TAFA4: variants seen among roughly 807,000 people sequenced by gnomAD.
The protein encoded by TAFA4 is TAFA chemokine like family member 4, also known as chemokine-like protein TAFA-4.
In TAFA4, 20 loss-of-function variants were observed where a neutral mutation model predicts 21.1. The ratio of observed to expected loss-of-function variants is 0.95; its 90% confidence interval spans 0.67 to 1.38. The LOEUF (loss-of-function observed/expected upper bound fraction) is 1.38, where lower values mean the gene tolerates loss of function less well. TAFA4 is among the 40% of genes most tolerant of loss of function. The pLI, the probability that TAFA4 is intolerant of heterozygous loss-of-function variation, is 0.00. For synonymous variants in TAFA4, 71 were observed against 67.4 expected, an observed-to-expected ratio of 1.05 and a Z score of -0.26; for missense variants, 211 against 180.9, an observed-to-expected ratio of 1.17 and a Z score of -0.95.
chr3:68,861,282 A>G (rs2089341193), intron 3 of TAFA4, among the ~76,000 whole-genome samples: 1 of 152,054 alleles, frequency 6.6e-6, no homozygotes, highest in Non-Finnish European at 1.5e-5. Flanking sequence ...TTGGAATCTT[A>G]GTACATCCTT....
Position 68,732,042 on chromosome 3 carries a change from A to G in TAFA4, c.*1100T>C, listed in dbSNP as rs1025424325. 2 of 152,724 alleles carry G rather than the reference A, an allele frequency of 1.3e-5. No homozygotes were observed. The highest frequency in any genetic ancestry group is 4.8e-5 in the African/African-American group (2 of 41,586). The allele number at this position is 152,724 out of a possible 1,614,324, so 9.5% of individuals were successfully genotyped here. On this transcript the variant is annotated 3_prime_UTR_variant, in exon 6 of 6. Coordinates refer to ENST00000295569, the MANE Select transcript of TAFA4 (RefSeq NM_182522.5). ...GTAGTATGTACTTTAACAACATTATACATCTAAAATCTGGGTCAGTCATTC... is the reference window on the plus strand; with the variant it reads ...GTAGTATGTACTTTAACAACATTATGCATCTAAAATCTGGGTCAGTCATTC...
intron 3 of TAFA4, among the ~76,000 whole-genome samples, chr3:68,834,515 A>G: frequency 6.6e-6 from 1 of 152,260 alleles, no homozygotes; most frequent in East Asian, 1.9e-4. Flanking sequence ...CATCTTCTGT[A>G]TCCTCCTACT....
chr3:68,736,155 G>C (rs949825943), intron 5 of TAFA4, among the ~76,000 whole-genome samples: 1 of 151,952 alleles, frequency 6.6e-6, no homozygotes, highest in Admixed American at 6.6e-5. Flanking sequence ...GCTTGGCTTC[G>C]TTGCTAAGAA....
intron 3 of TAFA4, among the ~76,000 whole-genome samples, chr3:68,792,871 C>T (rs1313799292): frequency 6.6e-6 from 1 of 152,080 alleles, no homozygotes; most frequent in Non-Finnish European, 1.5e-5. Flanking sequence ...TAAATTCAAG[C>T]AAAATCTCAA....
At chr3:68,809,945 C>A (rs1468873904) in intron 3 of TAFA4, among the ~76,000 whole-genome samples, 2 of 152,136 alleles carry the variant, frequency 1.3e-5, no homozygotes. Flanking sequence ...ACGCCAGTAC[C>A]AGGTTGTTTA....
chr3:68,864,732 TAATGGAATAC>T (rs2089394298), intron 3 of TAFA4, among the ~76,000 whole-genome samples: 1 of 152,128 alleles, frequency 6.6e-6, no homozygotes, highest in Non-Finnish European at 1.5e-5. Context: ...GTGTGGCACA[TAATGGAATAC>T]TACTCAGCAA....
At chr3:68,838,295 GCTAA>G (rs914458216) in intron 3 of TAFA4, among the ~76,000 whole-genome samples, 3 of 152,036 alleles carry the variant, frequency 2.0e-5, no homozygotes, top group Non-Finnish European at 2.9e-5. Flanking sequence ...AATTAAGTGC[GCTAA>G]CTGAGCTACC....
chr3:68,927,445 C>A (rs1363141743), intron 1 of TAFA4, among the ~76,000 whole-genome samples: 3 of 152,160 alleles, frequency 2.0e-5, no homozygotes, highest in African/African-American at 7.2e-5. Context: ...TTTGACAGCT[C>A]CGCCTTTTGT....
At chr3:68,783,700 AGAG>A (rs2106800393) in intron 3 of TAFA4, among the ~76,000 whole-genome samples, 1 of 117,948 alleles carries the variant, frequency 8.5e-6, no homozygotes, top group South Asian at 4.2e-4. Flanking sequence ...AGAGAGAGAG[AGAG>A]AGAGAAAGAA....
At chr3:68,849,744 A>T (rs965101677) in intron 3 of TAFA4, among the ~76,000 whole-genome samples, 2 of 152,172 alleles carry the variant, frequency 1.3e-5, no homozygotes, top group Non-Finnish European at 2.9e-5. Flanking sequence ...TGAAACACTG[A>T]ACACCAGCCC....
At chr3:68,755,208 A>AT (rs751928236) in intron 3 of TAFA4, among the ~76,000 whole-genome samples, 14 of 152,210 alleles carry the variant, frequency 9.2e-5, no homozygotes, top group South Asian at 2.1e-4. Context: ...TCATCCTGTG[A>AT]TAAAGTAGTT....
At chr3:68,803,223 G>C (rs1018449640) in intron 3 of TAFA4, among the ~76,000 whole-genome samples, 1 of 152,150 alleles carries the variant, frequency 6.6e-6, no homozygotes, top group Non-Finnish European at 1.5e-5. Flanking sequence ...ATTATGTTCT[G>C]TGCTAGATAA....
At chr3:68,858,091 G>A (rs573116613) in intron 3 of TAFA4, among the ~76,000 whole-genome samples, 1 of 152,070 alleles carries the variant, frequency 6.6e-6, no homozygotes, top group Non-Finnish European at 1.5e-5. Context: ...AATCAGTATG[G>A]CAGTGTCGCC....
chr3:68,929,012 C>T (rs966056791), intron 1 of TAFA4, among the ~76,000 whole-genome samples: 9 of 149,980 alleles, frequency 6.0e-5, no homozygotes, highest in Non-Finnish European at 1.2e-4. Context: ...GCCCTTTTGA[C>T]TGACTGAAGG....
At chr3:68,789,523 T>A (rs1703324675) in intron 3 of TAFA4, among the ~76,000 whole-genome samples, 1 of 152,228 alleles carries the variant, frequency 6.6e-6, no homozygotes, top group African/African-American at 2.4e-5. Context: ...AATATCACAT[T>A]AGACACCTTA....
chr3:68,923,817 G>C (rs73835372), intron 1 of TAFA4, among the ~76,000 whole-genome samples: 9,359 of 152,098 alleles, frequency 0.062, 744 homozygotes, highest in East Asian at 0.18. Flanking sequence ...TTTGTCCAAC[G>C]TTTCTTGAGT....
At chr3:68,926,292 G>A (rs1312532478) in intron 1 of TAFA4, among the ~76,000 whole-genome samples, 1 of 151,972 alleles carries the variant, frequency 6.6e-6, no homozygotes, top group East Asian at 1.9e-4. Flanking sequence ...TTGGAAATAG[G>A]TTTACCAAAG....
At chr3:68,741,844 C>T (rs1026057076) in intron 4 of TAFA4, among the ~76,000 whole-genome samples, 14 of 152,026 alleles carry the variant, frequency 9.2e-5, no homozygotes, top group South Asian at 6.2e-4. Context: ...TCCAAAGAAT[C>T]GAAGAAGAGA....
intron 3 of TAFA4, among the ~76,000 whole-genome samples, chr3:68,844,963 G>A (rs1441356074): frequency 2.0e-5 from 3 of 152,200 alleles, no homozygotes; most frequent in East Asian, 3.8e-4. Flanking sequence ...TAGAATAAGT[G>A]CAATGTGGTG....
Sources: allele counts gnomAD v4.1 joint callset (sites outside exome capture counted in the v4.1 genomes callset), GRCh38; gene constraint gnomAD v4.1.1; transcripts MANE v1.5; gene names NCBI Gene and HGNC (gene_info 2026-07-23, HGNC 2026-07-21).